SHROOM2: variants seen among roughly 807,000 people sequenced by gnomAD.
SHROOM2 encodes the protein protein Shroom2.
SHROOM2 carries 33 observed loss-of-function variants against 75.9 expected under a neutral mutation model. The observed-to-expected ratio is 0.43, with a 90% CI of 0.33 to 0.58. The LOEUF (loss-of-function observed/expected upper bound fraction) is 0.58. Ranked by LOEUF, SHROOM2 falls within the 20% of genes least tolerant of loss-of-function variation. The probability of loss-of-function intolerance (pLI) is 0.04; values close to 1 mark genes in which losing one functional copy is unlikely to be tolerated. For synonymous variants in SHROOM2, 655 were observed against 663.6 expected (o/e 0.99, Z 0.20); for missense variants, 1,434 against 1,461.2 (o/e 0.98, Z 0.30).
rs201195196 is a variant in SHROOM2, at chrX:9,895,086, C to A, written c.1178C>A (p.Ala393Glu). The change falls in exon 4 of 10, where the codon GCA becomes GAA. Residue 393 changes from alanine to glutamate, a missense_variant. Coordinates refer to ENST00000380913, the MANE Select transcript of SHROOM2 (RefSeq NM_001649.4). ...GGPGCPQEAH[A>E]DGSWPPSKDG... ...CCGGGCTGCCCACAGGAGGCCCACG[C>A]AGACGGCAGCTGGCCGCCCTCCAAG... The A allele has an allele frequency of 1.4e-4, 165 of 1,208,284 alleles. No individual in the cohort carries two copies. The Middle Eastern group carries it at 1.4e-3, about 10-fold the overall frequency.
chrX:9,941,149 G>C (rs1365955539), intron 8 of SHROOM2, among the ~76,000 whole-genome samples: 1 of 111,022 alleles, frequency 9.0e-6, no homozygotes, highest in Non-Finnish European at 1.9e-5. Flanking sequence ...CCTGGAACCA[G>C]GAGGTGAGTG....
intron 5 of SHROOM2, among the ~76,000 whole-genome samples, chrX:9,908,109 C>A (rs1293578472): frequency 8.9e-6 from 1 of 112,696 alleles, no homozygotes; most frequent in East Asian, 2.8e-4. Context: ...ATCTCCCCAT[C>A]CCTAGTGTGG....
chrX:9,926,944 G>A (rs1028121132), intron 5 of SHROOM2, among the ~76,000 whole-genome samples: 1 of 110,864 alleles, frequency 9.0e-6, no homozygotes, highest in African/African-American at 3.3e-5. Flanking sequence ...TGTTTAACCC[G>A]TACTTTAGAA....
At chrX:9,818,419 G>T in intron 1 of SHROOM2, 1 of 244,544 alleles carries the variant, frequency 4.1e-6, no homozygotes, top group Non-Finnish European at 8.2e-6. Context: ...AATCTCTTTG[G>T]CAGGTTCTTT....
At chrX:9,833,608 C>CTATGTG (rs2083927318) in intron 1 of SHROOM2, among the ~76,000 whole-genome samples, 1 of 95,358 alleles carries the variant, frequency 1.0e-5, no homozygotes, top group Admixed American at 1.2e-4. Flanking sequence ...CAAGTAGACT[C>CTATGTG]TGTGTGTGTG....
chrX:9,854,495 C>G (rs141623269), intron 1 of SHROOM2, among the ~76,000 whole-genome samples: 2 of 111,964 alleles, frequency 1.8e-5, no homozygotes, highest in Non-Finnish European at 3.8e-5. Flanking sequence ...TAGTTGCCAT[C>G]CCTTTATTTT....
Position 9,903,953 on chromosome X carries a change from T to C in SHROOM2, c.2891+5663T>C, listed in dbSNP as rs1381510763. Among the ~76,000 whole-genome samples the C allele has an allele frequency of 3.6e-5, 4 of 111,004 alleles. No individual in the cohort carries two copies. The East Asian group carries it at 1.1e-3, about 31-fold the overall frequency. ...GGCGGCCACCCGTTTGTTTACTTTT[T>C]GGTTTGGTCGCGTGATTCTAGATTA... On this transcript the variant is annotated intron_variant, in intron 5 of 9. Coordinates refer to ENST00000380913, the MANE Select transcript of SHROOM2 (RefSeq NM_001649.4).
intron 5 of SHROOM2, among the ~76,000 whole-genome samples, chrX:9,905,983 C>T (rs958112270): frequency 1.8e-5 from 2 of 111,609 alleles, no homozygotes; most frequent in Non-Finnish European, 3.8e-5. Flanking sequence ...CAAGAAGCAG[C>T]GGCACTGCAG....
intron 1 of SHROOM2, among the ~76,000 whole-genome samples, chrX:9,797,235 A>G (rs2083699701): frequency 9.0e-6 from 1 of 111,721 alleles, no homozygotes; most frequent in Non-Finnish European, 1.9e-5. Context: ...CATGCCTGCC[A>G]TTTTACTTTT....
chrX:9,892,227 T>C (rs1470998273), intron 3 of SHROOM2, among the ~76,000 whole-genome samples: 1 of 100,642 alleles, frequency 9.9e-6, no homozygotes, highest in Non-Finnish European at 2.0e-5. Flanking sequence ...CACTCCAGTC[T>C]GGGCAACAGA....
intron 1 of SHROOM2, among the ~76,000 whole-genome samples, chrX:9,851,446 C>T (rs867463539): frequency 1.9e-4 from 12 of 63,169 alleles, no homozygotes; most frequent in Admixed American, 5.6e-4. Context: ...CAGGATATTG[C>T]TTTTTTTTTT....
intron 1 of SHROOM2, chrX:9,819,480 T>C (rs2083840672): frequency 3.5e-6 from 1 of 285,710 alleles, no homozygotes; most frequent in Admixed American, 4.4e-5. Flanking sequence ...TTTGGCTTAT[T>C]GGTGGCTTTA....
chrX:9,835,881 G>A (rs1045687768), intron 1 of SHROOM2, among the ~76,000 whole-genome samples: 3 of 111,953 alleles, frequency 2.7e-5, no homozygotes, highest in Admixed American at 1.9e-4. Context: ...CACCACGCCC[G>A]GCTCAGTTTT....
intron 1 of SHROOM2, among the ~76,000 whole-genome samples, chrX:9,828,879 A>T (rs1433505142): frequency 8.9e-6 from 1 of 112,509 alleles, no homozygotes; most frequent in African/African-American, 3.2e-5. Context: ...AGCAGGGTGT[A>T]GCGTAAGGAC....
At chrX:9,868,138 T>G (rs2084150661) in intron 1 of SHROOM2, among the ~76,000 whole-genome samples, 3 of 111,878 alleles carry the variant, frequency 2.7e-5, no homozygotes, top group Non-Finnish European at 5.6e-5. Context: ...TCTTTATGGT[T>G]TTGCCTAAAG....
chrX:9,789,093 T>G (rs2083632993), intron 1 of SHROOM2, among the ~76,000 whole-genome samples: 1 of 111,753 alleles, frequency 8.9e-6, no homozygotes, highest in Admixed American at 9.6e-5. Context: ...TCCCACGCGT[T>G]GGCCCTGAGA....
At chrX:9,837,804 G>A (rs2083955153) in intron 1 of SHROOM2, among the ~76,000 whole-genome samples, 1 of 111,300 alleles carries the variant, frequency 9.0e-6, no homozygotes, top group Non-Finnish European at 1.9e-5. Flanking sequence ...CAGTGTTTGT[G>A]TGCCTGGCCA....
At chrX:9,914,179 G>C (rs1221779114) in intron 5 of SHROOM2, among the ~76,000 whole-genome samples, 1 of 104,997 alleles carries the variant, frequency 9.5e-6, no homozygotes, top group East Asian at 3.0e-4. Flanking sequence ...AACACACACA[G>C]AGTTTTTTAC....
Position 9,897,449 on chromosome X carries a change from G to A in SHROOM2, c.2791-741G>A, listed in dbSNP as rs112128719. 6.4e-5 allele frequency among the ~76,000 whole-genome samples: 7 copies of A among 108,736 alleles called. No individual in the cohort carries two copies. The East Asian group carries it at 1.4e-3, about 22-fold the overall frequency. The allele number at this position is 108,736 out of a possible 115,157, so 94.4% of individuals were successfully genotyped here. ...TTTTAAAAGAATCCAGGGTGGGTGC[G>A]GTGGTGCATTTGCAGTTCTAGTACT... On this transcript the variant is annotated intron_variant, in intron 4 of 9. Coordinates refer to ENST00000380913, the MANE Select transcript of SHROOM2 (RefSeq NM_001649.4).
Sources: gnomAD v4.1 joint callset for allele counts (sites outside exome capture counted in the v4.1 genomes callset) on GRCh38, gnomAD v4.1.1 for gene constraint, MANE v1.5 for transcripts, NCBI Gene and HGNC (gene_info 2026-07-23, HGNC 2026-07-21) for gene names.